CYP39A1: variants seen among roughly 807,000 people sequenced by gnomAD.
CYP39A1 encodes the protein cytochrome P450 family 39 subfamily A member 1.
Under a neutral mutation model 58.1 loss-of-function variants are expected in CYP39A1, and 49 were observed. The ratio of observed to expected loss-of-function variants is 0.84; its 90% CI spans 0.67 to 1.07. The LOEUF is 1.07. Among genes scored for constraint, CYP39A1 ranks in the 50% least tolerant of loss-of-function variants. The pLI is 0.00. For synonymous variants in CYP39A1, 209 were observed against 187.6 expected (o/e 1.11, Z -0.93); for missense variants, 531 against 539.4 (o/e 0.98, Z 0.16).
chr6:46,652,553 T>TCCCCA lies in CYP39A1; in HGVS notation c.29_30insTGGGG (p.Ile11GlyfsTer42), dbSNP rs764710408. 1.2e-6 allele frequency: 2 copies of TCCCCA among 1,609,542 alleles called. No homozygotes were observed. Among genetic ancestry groups the TCCCCA allele is most frequent in the Non-Finnish European group, 1.7e-6 (2 of 1,178,316 alleles). On this transcript the variant is annotated frameshift_variant, in exon 1 of 12. Transcript: ENST00000275016. LOFTEE classifies it high-confidence loss of function. ...AGAACAGAGCAAGGCAACCCAGGAT[T>TCCCCA]ATAATCACTGTTGGGGAAATTAGTT...
intron 7 of CYP39A1, 82 bp from the exon 8 acceptor site, chr6:46,596,202 G>C: frequency 1.9e-6 from 2 of 1,061,124 alleles, no homozygotes; most frequent in Non-Finnish European, 2.7e-6. Context: ...GCAGAGGTTA[G>C]ATGTTGCCTC....
chr6:46,645,514 T>A (rs912589245), intron 1 of CYP39A1, among the ~76,000 whole-genome samples: 2 of 152,176 alleles, frequency 1.3e-5, no homozygotes, highest in African/African-American at 4.8e-5. Flanking sequence ...CTCTAGATAC[T>A]CTATTTTGTT....
intron 10 of CYP39A1, among the ~76,000 whole-genome samples, chr6:46,580,201 A>C (rs1772050442): frequency 6.6e-6 from 1 of 152,210 alleles, no homozygotes; most frequent in Non-Finnish European, 1.5e-5. Context: ...ATAAAGCTGC[A>C]CACTTAAAAA....
At chr6:46,600,269 G>T (rs1228189368) in intron 7 of CYP39A1, among the ~76,000 whole-genome samples, 1 of 151,968 alleles carries the variant, frequency 6.6e-6, no homozygotes, top group Non-Finnish European at 1.5e-5. Context: ...ACCAGCAAGT[G>T]CCACTACACC....
intron 10 of CYP39A1, among the ~76,000 whole-genome samples, chr6:46,572,116 C>T (rs1417004517): frequency 6.6e-6 from 1 of 152,048 alleles, no homozygotes; most frequent in Non-Finnish European, 1.5e-5. Flanking sequence ...TTTATATTAT[C>T]TATCTCTTAA....
At chr6:46,647,736 G>A (rs1250799636) in intron 1 of CYP39A1, among the ~76,000 whole-genome samples, 1 of 152,172 alleles carries the variant, frequency 6.6e-6, no homozygotes, top group South Asian at 2.1e-4. Flanking sequence ...CAGTGATGAT[G>A]AGCATTTTTT....
intron 10 of CYP39A1, among the ~76,000 whole-genome samples, chr6:46,572,834 G>C (rs1483933949): frequency 1.3e-5 from 2 of 151,822 alleles, no homozygotes; most frequent in Non-Finnish European, 2.9e-5. Context: ...AAGTCCCATA[G>C]GTTTACTTTA....
chr6:46,567,130 C>T (rs1291260325), intron 10 of CYP39A1, among the ~76,000 whole-genome samples: 1 of 152,090 alleles, frequency 6.6e-6, no homozygotes. Context: ...GTACTCTCTG[C>T]CTGATATCTC....
At chr6:46,560,696 AAG>A (rs1310584640) in intron 10 of CYP39A1, among the ~76,000 whole-genome samples, 6 of 152,166 alleles carry the variant, frequency 3.9e-5, no homozygotes, top group African/African-American at 1.4e-4. Context: ...TTATAAATAT[AAG>A]AGTCATCATT....
Position 46,569,229 on chromosome 6 carries a change from T to C in CYP39A1, c.1251-15375A>G, listed in dbSNP as rs73461288. ...CAATGGATTTTTTGTGTGTTCATAC[T>C]GTATCCTGCTACTTTGTTGAGTTAT... On this transcript the variant is annotated intron_variant, in intron 10 of 11. Coordinates refer to ENST00000275016, the MANE Select transcript of CYP39A1 (RefSeq NM_016593.5). Among the ~76,000 whole-genome samples the C allele has an allele frequency of 7.2e-3, 1,094 of 152,262 alleles. 18 individuals carry two copies. Among genetic ancestry groups the C allele is most frequent in the African/African-American group, 0.025 (1,031 of 41,570 alleles).
chr6:46,608,623 T>A (rs546961650), intron 7 of CYP39A1, among the ~76,000 whole-genome samples: 2 of 152,152 alleles, frequency 1.3e-5, no homozygotes, highest in African/African-American at 4.8e-5. Flanking sequence ...TTTATTTATT[T>A]TTTTTTTTGA....
At chr6:46,563,367 TGACA>T (rs1345382118) in intron 10 of CYP39A1, among the ~76,000 whole-genome samples, 1 of 152,352 alleles carries the variant, frequency 6.6e-6, no homozygotes, top group Non-Finnish European at 1.5e-5. Flanking sequence ...ACATTGTTTA[TGACA>T]GATTTATCTT....
intron 7 of CYP39A1, among the ~76,000 whole-genome samples, chr6:46,596,943 T>C (rs1345063202): frequency 6.6e-6 from 1 of 152,170 alleles, no homozygotes; most frequent in Non-Finnish European, 1.5e-5. Context: ...ATATTGTCAG[T>C]TTAATTAAGT....
At chr6:46,552,511 A>G (rs1770454501) in intron 11 of CYP39A1, among the ~76,000 whole-genome samples, 1 of 152,190 alleles carries the variant, frequency 6.6e-6, no homozygotes, top group Non-Finnish European at 1.5e-5. Flanking sequence ...TCCTATTGAA[A>G]TGTCACCTAA....
intron 5 of CYP39A1, among the ~76,000 whole-genome samples, chr6:46,632,607 C>T (rs949412188): frequency 2.6e-5 from 4 of 152,032 alleles, no homozygotes; most frequent in Non-Finnish European, 5.9e-5. Flanking sequence ...GTTCCTCTCC[C>T]CCCTCCCAAT....
chr6:46,638,246 TAATA>T (rs559662512), intron 3 of CYP39A1, among the ~76,000 whole-genome samples: 9 of 152,324 alleles, frequency 5.9e-5, no homozygotes, highest in Non-Finnish European at 1.3e-4. Flanking sequence ...AAATATGAGA[TAATA>T]AATAAACTGA....
intron 3 of CYP39A1, 111 bp from the exon 4 acceptor site, chr6:46,638,089 T>C: frequency 1.1e-5 from 12 of 1,068,980 alleles, no homozygotes; most frequent in Non-Finnish European, 1.6e-5. Context: ...AGATAATAGG[T>C]GACAGATTCT....
chr6:46,642,595 C>A (rs922439143), intron 1 of CYP39A1, among the ~76,000 whole-genome samples: 4 of 151,888 alleles, frequency 2.6e-5, no homozygotes, highest in Non-Finnish European at 5.9e-5. Flanking sequence ...GAAATTATAT[C>A]AACATTGTGA....
chr6:46,637,361 A>C (rs1776053577), intron 4 of CYP39A1, among the ~76,000 whole-genome samples: 1 of 152,238 alleles, frequency 6.6e-6, no homozygotes, highest in South Asian at 2.1e-4. Flanking sequence ...GCCACTGCCA[A>C]GAAATTTCAA....
Sources: allele counts gnomAD v4.1 joint callset (sites outside exome capture counted in the v4.1 genomes callset), GRCh38; gene constraint gnomAD v4.1.1; transcripts MANE v1.5; gene names NCBI Gene and HGNC (gene_info 2026-07-23, HGNC 2026-07-21).